Variants in PCDHGA1 observed in about 807,000 individuals in gnomAD.
The protein encoded by PCDHGA1 is protocadherin gamma-A1.
PCDHGA1 carries 32 observed loss-of-function variants against 58.0 expected under a neutral mutation model. The observed-to-expected ratio is 0.55, with a 90% CI of 0.42 to 0.74. The LOEUF (loss-of-function observed/expected upper bound fraction) is 0.74. Ranked by LOEUF, PCDHGA1 falls within the 30% of genes least tolerant of loss-of-function variation. PCDHGA1 has a pLI of 0.00. For synonymous variants in PCDHGA1, 498 were observed against 501.1 expected, an observed-to-expected ratio of 0.99 and a Z score of 0.08; for missense variants, 1,205 against 1,182.3, an observed-to-expected ratio of 1.02 and a Z score of -0.28.
chr5:141,464,572 A>G (rs912710973), intron 1 of PCDHGA1, among the ~76,000 whole-genome samples: 5 of 152,148 alleles, frequency 3.3e-5, no homozygotes, highest in African/African-American at 1.2e-4. Flanking sequence ...CTACAAATAG[A>G]TGAGAATGTC....
At chr5:141,401,033 C>T (rs1437899833) in intron 1 of PCDHGA1, among the ~76,000 whole-genome samples, 1 of 152,016 alleles carries the variant, frequency 6.6e-6, no homozygotes, top group Non-Finnish European at 1.5e-5. Context: ...TTTGAATCTC[C>T]TAAAATTTTA....
At chr5:141,393,970 C>T (rs746781669) in intron 1 of PCDHGA1, 5 of 1,613,870 alleles carry the variant, frequency 3.1e-6, no homozygotes, top group Middle Eastern at 3.3e-4. Flanking sequence ...GTCTGTTACA[C>T]ACGTGATAAT....
chr5:141,361,697 A>T, intron 1 of PCDHGA1: 1 of 1,613,448 alleles, frequency 6.2e-7, no homozygotes. Flanking sequence ...CGCGCCTTCG[A>T]TCATGAGCAG....
Position 141,350,591 on chromosome 5 carries a change from A to G in PCDHGA1, c.2421+17486A>G, listed in dbSNP as rs202231783. 199 of 1,614,038 alleles carry G rather than the reference A, an allele frequency of 1.2e-4. No individual in the cohort carries two copies. In the East Asian group the frequency reaches 4.1e-3, roughly 33 times the overall value. The stretch of plus-strand genomic sequence containing the variant: ...ATTCGAAACGGTCGCTGAAAACCCA[A>G]TGAATGTTTTCCACGTGGTTGTTGT... On this transcript the variant is annotated intron_variant, in intron 1 of 3. Transcript: ENST00000517417.
At chr5:141,494,514 G>T (rs1457018569) in intron 1 of PCDHGA1, among the ~76,000 whole-genome samples, 2 of 152,160 alleles carry the variant, frequency 1.3e-5, no homozygotes, top group South Asian at 2.1e-4. Context: ...TTTTGGCTCA[G>T]GAGTTCTGAC....
Position 141,383,585 on chromosome 5 carries a change from A to G in PCDHGA1, c.2421+50480A>G, listed in dbSNP as rs1779292169. The stretch of plus-strand genomic sequence containing the variant: ...CCCCGATCCAGCACCGCCCACATCC[A>G]GGTGACAGTGGTGGATGTGAATGAC... On this transcript the variant is annotated intron_variant, in intron 1 of 3. Coordinates refer to ENST00000517417, the MANE Select transcript of PCDHGA1 (RefSeq NM_018912.3). The G allele has an allele frequency of 4.3e-6, 7 of 1,613,646 alleles. No individual in the cohort carries two copies. Among genetic ancestry groups the G allele is most frequent in the Non-Finnish European group, 5.9e-6 (7 of 1,179,852 alleles).
intron 1 of PCDHGA1, chr5:141,371,677 G>A (rs751155238): frequency 1.9e-6 from 3 of 1,613,896 alleles, no homozygotes; most frequent in Non-Finnish European, 2.5e-6. Context: ...ACCGACAAAG[G>A]CAATCCACCG....
At chr5:141,423,265 G>C in intron 1 of PCDHGA1, 1 of 1,613,666 alleles carries the variant, frequency 6.2e-7, no homozygotes, top group Non-Finnish European at 8.5e-7. Flanking sequence ...CGGCAGCCTC[G>C]AGTCTCTGGC....
At chr5:141,373,455 A>T (rs1561559553) in intron 1 of PCDHGA1, among the ~76,000 whole-genome samples, 1 of 152,204 alleles carries the variant, frequency 6.6e-6, no homozygotes, top group Non-Finnish European at 1.5e-5. Flanking sequence ...CCCAGGAGGT[A>T]GCAGCTGCAA....
chr5:141,434,174 C>T (rs1310074584), intron 1 of PCDHGA1, among the ~76,000 whole-genome samples: 1 of 152,132 alleles, frequency 6.6e-6, no homozygotes, highest in Non-Finnish European at 1.5e-5. Flanking sequence ...GGGATTATAT[C>T]CAAGATTTGT....
intron 1 of PCDHGA1, among the ~76,000 whole-genome samples, chr5:141,382,389 T>A (rs1778164859): frequency 6.6e-6 from 1 of 152,228 alleles, no homozygotes; most frequent in South Asian, 2.1e-4. Flanking sequence ...AATAACTGAT[T>A]TTCCCATGTG....
At chr5:141,407,243 C>G (rs1191688729) in intron 1 of PCDHGA1, among the ~76,000 whole-genome samples, 1 of 152,168 alleles carries the variant, frequency 6.6e-6, no homozygotes, top group African/African-American at 2.4e-5. Context: ...AAGCATACTT[C>G]AGGCTCATAT....
In PCDHGA1 at chr5:141,365,449, T is replaced by C. The variant is rs546328235; in HGVS notation, c.2421+32344T>C. The C allele has an allele frequency of 6.1e-5, 99 of 1,614,052 alleles. 1 individual carries two copies. The East Asian group carries it at 2.2e-3, about 35-fold the overall frequency. On this transcript the variant is annotated intron_variant, in intron 1 of 3. Transcript: ENST00000517417. Reference sequence around the variant, plus strand: ...TAATCGCGCTGTTTAGCGTACATGATGGTGATTCTGGAGAAAATGGTGAGA... The same window carrying C: ...TAATCGCGCTGTTTAGCGTACATGACGGTGATTCTGGAGAAAATGGTGAGA...
rs568598784 is a variant in PCDHGA1, at chr5:141,345,926, C to A, written c.2421+12821C>A. 167 of 1,613,464 alleles carry A rather than the reference C, an allele frequency of 1.0e-4. 2 individuals are homozygous for A. The South Asian group carries it at 1.7e-3, about 16-fold the overall frequency. ...CGGGCGAGGTGCGCACGGCGCGAGC[C>A]CTGCTGGACAGAGACGCGCTCAAGC... On this transcript the variant is annotated intron_variant, in intron 1 of 3. Transcript: ENST00000517417.
chr5:141,444,467 G>C (rs1288596542), intron 1 of PCDHGA1, among the ~76,000 whole-genome samples: 2 of 151,998 alleles, frequency 1.3e-5, no homozygotes, highest in Admixed American at 6.6e-5. Flanking sequence ...CACTGCGCCC[G>C]GTCGCGTACT....
chr5:141,330,655 A>T lies in PCDHGA1; in HGVS notation c.-30A>T. ...GCAGAAACGATACCCTTGGTACTGGACTGGAAGAAAACTACGAAGTGAGAG... is the reference window on the plus strand; with the variant it reads ...GCAGAAACGATACCCTTGGTACTGGTCTGGAAGAAAACTACGAAGTGAGAG... On this transcript the variant is annotated 5_prime_UTR_variant, in exon 1 of 4. Transcript: ENST00000517417. 1 of 1,576,420 alleles carries T rather than the reference A, an allele frequency of 6.3e-7. No individual in the cohort carries two copies. The highest frequency in any genetic ancestry group is 8.6e-7 in the Non-Finnish European group (1 of 1,160,014).
At position 141,393,619 on chromosome 5, in the gene PCDHGA1, C is replaced by T. The variant is rs768350628; in HGVS notation, c.2421+60514C>T. 50 of 1,613,708 alleles carry T rather than the reference C, an allele frequency of 3.1e-5. No homozygotes were observed. Among genetic ancestry groups the T allele is most frequent in the Admixed American group, 6.7e-5 (4 of 60,000 alleles). ...CTGCTTACTGTAACAGCCAGCGACC[C>T]GGATGAGGGAATCAACGGAAAAGTG... On this transcript the variant is annotated intron_variant, in intron 1 of 3. Transcript: ENST00000517417.
chr5:141,410,689 C>T, intron 1 of PCDHGA1: 2 of 1,514,926 alleles, frequency 1.3e-6, no homozygotes, highest in Non-Finnish European at 1.8e-6. Flanking sequence ...AGGCATACTA[C>T]TTTATTTTCA....
At chr5:141,405,359 GAC>G in intron 1 of PCDHGA1, 1 of 1,614,018 alleles carries the variant, frequency 6.2e-7, no homozygotes, top group Admixed American at 1.7e-5. Context: ...TCCTATAGAA[GAC>G]ACCCCTTTGG....
Sources: allele counts gnomAD v4.1 joint callset (sites outside exome capture counted in the v4.1 genomes callset), GRCh38; gene constraint gnomAD v4.1.1; transcripts MANE v1.5; gene names NCBI Gene and HGNC (gene_info 2026-07-23, HGNC 2026-07-21).